GLYR1: variants seen among roughly 807,000 people sequenced by gnomAD.
GLYR1 encodes glyoxylate reductase 1 homolog.
GLYR1 carries 21 observed loss-of-function variants against 72.7 expected under a neutral mutation model. The ratio of observed to expected loss-of-function variants is 0.29; its 90% CI spans 0.20 to 0.42. The LOEUF (loss-of-function observed/expected upper bound fraction) is 0.42. GLYR1 is among the 10% of genes least tolerant of loss of function. The pLI is 1.00. For missense variants in GLYR1, 594 were observed against 712.1 expected (o/e 0.83, Z 1.89); for synonymous variants, 392 against 270.2 (o/e 1.45, Z -4.42).
intron 7 of GLYR1, 94 bp from the exon 8 acceptor site, chr16:4,821,691 G>T: frequency 1.8e-6 from 2 of 1,138,842 alleles, no homozygotes; most frequent in Non-Finnish European, 1.3e-6. Flanking sequence ...AAAGTGGGAA[G>T]TTAACATCAA....
chr16:4,821,508 A>G, intron 8 of GLYR1, 39 bp downstream of exon 8: 6 of 1,613,882 alleles, frequency 3.7e-6, no homozygotes, highest in Non-Finnish European at 5.1e-6. Flanking sequence ...TTAAGGCCCC[A>G]GGTGAAAATT....
intron 15 of GLYR1, among the ~76,000 whole-genome samples, chr16:4,807,491 A>T (rs2083059359): frequency 6.6e-6 from 1 of 152,218 alleles, no homozygotes. Context: ...TCAAATGATA[A>T]AATGGCAGCC....
At chr16:4,817,764 C>T (rs1315415404) in intron 9 of GLYR1, 67 bp from the exon 10 acceptor site, 7 of 976,918 alleles carry the variant, frequency 7.2e-6, no homozygotes, top group Admixed American at 6.8e-5. Context: ...TGATTCCATG[C>T]AGCACAAGGC....
Position 4,804,899 on chromosome 16 carries a change from A to G in GLYR1, c.*337T>C. On this transcript the variant is annotated 3_prime_UTR_variant, in exon 16 of 16. Transcript: ENST00000321919. ...CTCGGAAGAAAAAAAGCCAGGCAGCAGTTTCTGGGCAGCTTCTATCCTGGG... is the reference window on the plus strand; with the variant it reads ...CTCGGAAGAAAAAAAGCCAGGCAGCGGTTTCTGGGCAGCTTCTATCCTGGG... The G allele has an allele frequency of 3.1e-6, 1 of 318,922 alleles. No individual in the cohort carries two copies. Among genetic ancestry groups the G allele is most frequent in the Non-Finnish European group, 5.9e-6 (1 of 168,574 alleles). The allele number at this position is 318,922 out of a possible 1,614,324, so 19.8% of individuals were successfully genotyped here.
intron 9 of GLYR1, among the ~76,000 whole-genome samples, chr16:4,818,550 T>G (rs1242543537): frequency 1.3e-5 from 2 of 152,176 alleles, no homozygotes; most frequent in Non-Finnish European, 2.9e-5. Flanking sequence ...CCCAAAGTGC[T>G]GGGGTTGCAG....
chr16:4,825,863 A>G (rs1041725359), intron 5 of GLYR1, among the ~76,000 whole-genome samples: 1 of 152,090 alleles, frequency 6.6e-6, no homozygotes, highest in Non-Finnish European at 1.5e-5. Context: ...CATGTTAGCC[A>G]GGATGGTCTC....
intron 2 of GLYR1, 141 bp from the exon 3 acceptor site, chr16:4,845,294 A>G (rs1392165733): frequency 3.3e-6 from 2 of 613,740 alleles, no homozygotes; most frequent in African/African-American, 3.7e-5. Flanking sequence ...TTATTTATAT[A>G]CAAAACAGAA....
At chr16:4,819,200 G>C (rs1008774650) in intron 9 of GLYR1, among the ~76,000 whole-genome samples, 1 of 152,000 alleles carries the variant, frequency 6.6e-6, no homozygotes, top group Non-Finnish European at 1.5e-5. Flanking sequence ...AAGAGAGATG[G>C]GGGGGTCTTG....
intron 10 of GLYR1, among the ~76,000 whole-genome samples, chr16:4,814,886 T>C (rs2083539986): frequency 6.6e-6 from 1 of 152,170 alleles, no homozygotes; most frequent in African/African-American, 2.4e-5. Flanking sequence ...CACAAGTGTC[T>C]GCTGAAGGTA....
intron 9 of GLYR1, chr16:4,817,959 A>ATGGTTC (rs2083756359): frequency 2.4e-6 from 1 of 420,154 alleles, no homozygotes. Flanking sequence ...TATGATGTGT[A>ATGGTTC]TGGTTCAGGG....
At chr16:4,817,826 A>G in intron 9 of GLYR1, 129 bp from the exon 10 acceptor site, 1 of 674,036 alleles carries the variant, frequency 1.5e-6, no homozygotes, top group Non-Finnish European at 2.7e-6. Flanking sequence ...CAGAAACAGC[A>G]GTGGCCAATC....
At chr16:4,839,182 C>CACACACACACACAA (rs2085367314) in intron 3 of GLYR1, 1 of 152,254 alleles carries the variant, frequency 6.6e-6, no homozygotes, top group Admixed American at 6.6e-5. Context: ...AGAAAAAGCA[C>CACACACACACACAA]ACACACACAC....
rs1267678404 is a variant in GLYR1 at position 4,817,823 on chromosome 16, A to G, written c.807-126T>C. ...TAGGGGAATTCAGACTGCCAGAAAC[A>G]GCAGTGGCCAATCTACCTGCAGAGC... On this transcript the variant is annotated intron_variant, in intron 9 of 15. Transcript: ENST00000321919. 5 of 676,832 alleles carry G rather than the reference A, an allele frequency of 7.4e-6. No homozygotes were observed. The African/African-American group carries it at 8.9e-5, about 12-fold the overall frequency. 41.9% of individuals were successfully genotyped at this position (676,832 alleles called of 1,614,324 possible).
intron 1 of GLYR1, chr16:4,846,778 A>C (rs1596450137): frequency 4.0e-6 from 1 of 247,572 alleles, no homozygotes; most frequent in Non-Finnish European, 8.0e-6. Flanking sequence ...CGGTTTAGAC[A>C]ACCCCGGCTG....
Position 4,832,810 on chromosome 16 carries a change from G to A in GLYR1, c.258C>T (p.Val86=), listed in dbSNP as rs762483501. 56 of 1,612,980 alleles carry A rather than the reference G, an allele frequency of 3.5e-5. No homozygotes were observed. The Admixed American group carries it at 6.5e-4, about 19-fold the overall frequency. The change falls in exon 4 of 16, where the codon GTC becomes GTT. Residue 86 remains valine (V), a synonymous_variant. Transcript: ENST00000321919. ...GKRFQQAVDA[V]EEFLRRAKGK... Reference sequence around the variant, plus strand: ...CTTTGGCTCTCCTGAGGAACTCTTCGACAGCATCTACCGCTTGCTGGAATC... The same window carrying A: ...CTTTGGCTCTCCTGAGGAACTCTTCAACAGCATCTACCGCTTGCTGGAATC...
chr16:4,846,102 G>A (rs2086023102), intron 2 of GLYR1, 72 bp downstream of exon 2: 4 of 1,490,958 alleles, frequency 2.7e-6, no homozygotes, highest in Admixed American at 1.7e-5. Context: ...GAAACTGAGA[G>A]GAATGCATCT....
chr16:4,842,692 C>T (rs1031273409), intron 3 of GLYR1, among the ~76,000 whole-genome samples: 2 of 149,322 alleles, frequency 1.3e-5, no homozygotes, highest in East Asian at 2.0e-4. Context: ...ATCATTCATT[C>T]TGCACATAAT....
At chr16:4,815,438 ACT>A (rs750123380) in intron 10 of GLYR1, among the ~76,000 whole-genome samples, 2 of 152,222 alleles carry the variant, frequency 1.3e-5, no homozygotes, top group African/African-American at 2.4e-5. Flanking sequence ...GGAAAACTTC[ACT>A]GAGAGATATA....
intron 7 of GLYR1, among the ~76,000 whole-genome samples, chr16:4,821,824 A>T (rs531555100): frequency 4.6e-5 from 7 of 152,338 alleles, no homozygotes; most frequent in African/African-American, 1.7e-4. Context: ...TGAGAATAAG[A>T]GTCATAAGCT....
Sources: gnomAD v4.1 joint callset for allele counts (sites outside exome capture counted in the v4.1 genomes callset) on GRCh38, gnomAD v4.1.1 for gene constraint, MANE v1.5 for transcripts, NCBI Gene and HGNC (gene_info 2026-07-23, HGNC 2026-07-21) for gene names.